DCDC2: variants seen among roughly 807,000 people sequenced by gnomAD.
DCDC2 encodes doublecortin domain-containing protein 2.
A neutral mutation model predicts 50.2 loss-of-function variants in DCDC2; 40 were observed. The ratio of observed to expected loss-of-function variants is 0.80; its 90% CI spans 0.62 to 1.04. The LOEUF is 1.04. Among genes scored for constraint, DCDC2 ranks in the 50% least tolerant of loss-of-function variants. DCDC2 has a pLI of 0.00. For synonymous variants in DCDC2, 234 were observed against 210.6 expected, an observed-to-expected ratio of 1.11 and a Z score of -0.96; for missense variants, 570 against 581.9, an observed-to-expected ratio of 0.98 and a Z score of 0.21.
intron 7 of DCDC2, among the ~76,000 whole-genome samples, chr6:24,225,884 A>G (rs138861064): frequency 6.6e-6 from 1 of 152,336 alleles, no homozygotes; most frequent in African/African-American, 2.4e-5. Flanking sequence ...AGAACAGTAA[A>G]AACAGTCAGC....
upstream of DCDC2, among the ~76,000 whole-genome samples, chr6:24,362,477 T>TTA (rs36077790): frequency 2.6e-3 from 190 of 73,416 alleles, 3 homozygotes; most frequent in African/African-American, 4.2e-3. Context: ...ATTTATACAA[T>TTA]TTTTTTATTT....
At chr6:24,234,501 G>A (rs1399295924) in intron 7 of DCDC2, among the ~76,000 whole-genome samples, 1 of 152,118 alleles carries the variant, frequency 6.6e-6, no homozygotes, top group Non-Finnish European at 1.5e-5. Context: ...AAGCCCAGAA[G>A]AAAGGGCACC....
chr6:24,207,838 A>T (rs1761756698), intron 7 of DCDC2, among the ~76,000 whole-genome samples: 1 of 151,972 alleles, frequency 6.6e-6, no homozygotes, highest in South Asian at 2.1e-4. Context: ...GTCCTCACCC[A>T]CCCTGCTCAG....
chr6:24,220,879 A>AGAGCGAGAGAGTGAGTGAGC (rs1762088951), intron 7 of DCDC2, among the ~76,000 whole-genome samples: 17 of 107,032 alleles, frequency 1.6e-4, no homozygotes, highest in African/African-American at 6.9e-4. Context: ...CAAGAGAGCG[A>AGAGCGAGAGAGTGAGTGAGC]GAGCGAGAGA....
chr6:24,301,269 G>A (rs1363512847), intron 4 of DCDC2, among the ~76,000 whole-genome samples: 1 of 150,872 alleles, frequency 6.6e-6, no homozygotes, highest in Non-Finnish European at 1.5e-5. Context: ...TACTCGGGAG[G>A]CTGAGGCAGG....
rs548693634 is a variant in DCDC2, at chr6:24,292,256, T to C, written c.558-1178A>G. Among the ~76,000 whole-genome samples, 4 of 152,288 alleles carry C rather than the reference T, an allele frequency of 2.6e-5. No homozygotes were observed. In the South Asian group the frequency reaches 8.3e-4, roughly 32 times the overall value. ...ATTTTTTAAGGTTATAAGCAAGAGC[T>C]ATTAATAAATGGAAGGATTTCAGTA... is the stretch of plus-strand genomic sequence containing the variant. On this transcript the variant is annotated intron_variant, in intron 4 of 9. Transcript: ENST00000378454.
chr6:24,212,022 G>A lies in DCDC2; in HGVS notation c.923-6920C>T, dbSNP rs187649694. On this transcript the variant is annotated intron_variant, in intron 7 of 9. Transcript: ENST00000378454. ...ACAGCAGGAGGTGAGCGGCAGGTGA[G>A]TGAGAATTGCCACCTGAGCTCCACC... 1.0e-3 allele frequency among the ~76,000 whole-genome samples: 152 copies of A among 152,274 alleles called. 1 individual carries two copies. The highest frequency in any genetic ancestry group is 9.0e-3 in the Admixed American group (138 of 15,302).
At chr6:24,335,591 G>C (rs1365964269) in intron 2 of DCDC2, among the ~76,000 whole-genome samples, 1 of 152,084 alleles carries the variant, frequency 6.6e-6, no homozygotes, top group East Asian at 1.9e-4. Flanking sequence ...CAAGCCCACT[G>C]TATTTGTCTG....
In DCDC2 at chr6:24,205,067, C is replaced by G; in HGVS notation, c.958G>C (p.Glu320Gln). Reference protein sequence around the residue: ...GIFKAGAERSETRGAAEVQED... With the variant: ...GIFKAGAERSQTRGAAEVQED... ...TGGACTTCTGCTGCCCCCCGTGTTTCAGACCTCTCTGCTCCAGCTTTGAAA... is the reference window on the plus strand; with the variant it reads ...TGGACTTCTGCTGCCCCCCGTGTTTGAGACCTCTCTGCTCCAGCTTTGAAA... The change falls in exon 8 of 10, where the codon GAA (glutamate) becomes CAA (glutamine). Residue 320 changes from glutamate to glutamine, a missense_variant. By Grantham distance (29) the Glu-to-Gln change is conservative. Coordinates refer to ENST00000378454, the MANE Select transcript of DCDC2 (RefSeq NM_016356.5). The G allele has an allele frequency of 6.2e-7, 1 of 1,614,120 alleles. No individual in the cohort carries two copies. The highest frequency in any genetic ancestry group is 8.5e-7 in the Non-Finnish European group (1 of 1,179,980).
intron 4 of DCDC2, among the ~76,000 whole-genome samples, chr6:24,291,587 G>A (rs1277441774): frequency 7.1e-6 from 1 of 140,660 alleles, no homozygotes; most frequent in Non-Finnish European, 1.5e-5. Context: ...CCGGGTTCAT[G>A]CCATTCTCCT....
rs1554142065 is a variant in DCDC2, at chr6:24,172,989, A to AAAAAAAAATAATAAT, written c.*1740_*1741insATTATTATTTTTTTT. 4.1e-5 allele frequency: 6 copies of AAAAAAAAATAATAAT among 145,952 alleles called. No individual in the cohort carries two copies. In the East Asian group the frequency reaches 8.3e-4, roughly 20 times the overall value. 9.0% of individuals were successfully genotyped at this position (145,952 alleles called of 1,614,324 possible). A position where few individuals can be genotyped will look rare whatever the true frequency, so the allele number is the denominator to read the frequency against. On this transcript the variant is annotated 3_prime_UTR_variant, in exon 10 of 10. Coordinates refer to ENST00000378454, the MANE Select transcript of DCDC2 (RefSeq NM_016356.5). Reference sequence around the variant, plus strand: ...GACAAGAGCAAGACTTCATCTCAAAAAATAATAATAATAATAATAATAATA... The same window carrying AAAAAAAAATAATAAT: ...GACAAGAGCAAGACTTCATCTCAAAAAAAAAAAATAATAATAATAATAATAATAATAATAATAATA...
At position 24,300,239 on chromosome 6, in the gene DCDC2, A is replaced by C. The variant is rs557237946; in HGVS notation, c.557+1476T>G. The stretch of plus-strand genomic sequence containing the variant: ...ATCTAATCTCTACAAAAAAGAAAAA[A>C]AAAACAAAAGCTAGACGTTGTGGTG... On this transcript the variant is annotated intron_variant, in intron 4 of 9. Transcript: ENST00000378454. 2.0e-4 allele frequency among the ~76,000 whole-genome samples: 30 copies of C among 152,240 alleles called. No individual in the cohort carries two copies. The South Asian group carries it at 4.8e-3, about 24-fold the overall frequency.
At chr6:24,207,572 T>C (rs138029957) in intron 7 of DCDC2, among the ~76,000 whole-genome samples, 2 of 152,164 alleles carry the variant, frequency 1.3e-5, no homozygotes, top group Non-Finnish European at 2.9e-5. Context: ...CTGGAAAATA[T>C]GAAAGCGCTG....
At chr6:24,270,701 T>C (rs908938544) in intron 7 of DCDC2, among the ~76,000 whole-genome samples, 1 of 152,044 alleles carries the variant, frequency 6.6e-6, no homozygotes, top group African/African-American at 2.4e-5. Flanking sequence ...TCCTCCTCCC[T>C]CCACCCTGTC....
chr6:24,278,413 A>C (rs1344678935), intron 6 of DCDC2, among the ~76,000 whole-genome samples: 1 of 152,174 alleles, frequency 6.6e-6, no homozygotes, highest in Admixed American at 6.5e-5. Flanking sequence ...AAGGAGGATA[A>C]AAATAATAGC....
intron 2 of DCDC2, among the ~76,000 whole-genome samples, chr6:24,350,621 A>G (rs898278939): frequency 3.3e-5 from 5 of 152,058 alleles, no homozygotes; most frequent in African/African-American, 4.8e-5. Flanking sequence ...CATCCCTCAT[A>G]ATGACACATT....
intron 8 of DCDC2, among the ~76,000 whole-genome samples, chr6:24,193,959 TTA>T (rs1370467906): frequency 8.5e-5 from 13 of 152,254 alleles, no homozygotes; most frequent in African/African-American, 2.4e-4. Context: ...CTCCATTCTT[TTA>T]TGTCATCTAA....
intron 7 of DCDC2, among the ~76,000 whole-genome samples, chr6:24,240,460 G>C (rs1236234537): frequency 6.6e-6 from 1 of 152,008 alleles, no homozygotes; most frequent in Non-Finnish European, 1.5e-5. Flanking sequence ...CAAAACATTT[G>C]GTCAACAAGG....
At chr6:24,375,435 G>A in the DCDC2 span, among the ~76,000 whole-genome samples, 9 of 151,820 alleles carry the variant, frequency 5.9e-5, no homozygotes, top group Admixed American at 2.0e-4. Flanking sequence ...CCCCAACCCC[G>A]CTTCTTACAT....
Sources: allele counts gnomAD v4.1 joint callset (sites outside exome capture counted in the v4.1 genomes callset), GRCh38; gene constraint gnomAD v4.1.1; transcripts MANE v1.5; gene names NCBI Gene and HGNC (gene_info 2026-07-23, HGNC 2026-07-21).